The following SLC11A2 variants were observed in gnomAD, a reference collection of about 807,000 sequenced individuals.
The protein encoded by SLC11A2 is solute carrier family 11 member 2, also known as natural resistance-associated macrophage protein 2.
A neutral mutation model predicts 68.0 loss-of-function variants in SLC11A2; 38 were observed. That is an observed-to-expected ratio of 0.56 (90% CI 0.43 to 0.73). The LOEUF is 0.73. SLC11A2 is among the 30% of genes least tolerant of loss of function. The pLI, the probability that SLC11A2 is intolerant of heterozygous loss-of-function variation, is 0.00. For missense variants in SLC11A2, 517 were observed against 690.5 expected, an observed-to-expected ratio of 0.75 and a Z score of 2.82; for synonymous variants, 242 against 250.6, an observed-to-expected ratio of 0.97 and a Z score of 0.32.
At chr12:50,992,060 A>T in intron 13 of SLC11A2, 130 bp downstream of exon 13, 3 of 918,954 alleles carry the variant, frequency 3.3e-6, no homozygotes, top group South Asian at 1.4e-5. Context: ...ATATACATTT[A>T]CTGCAGACCA....
At chr12:50,999,474 A>G in intron 6 of SLC11A2, 59 bp from the exon 7 acceptor site, 1 of 1,361,510 alleles carries the variant, frequency 7.3e-7, no homozygotes, top group South Asian at 1.2e-5. Context: ...ACATTGAAAA[A>G]CACTCTCTTC....
At chr12:50,999,103 T>A in intron 8 of SLC11A2, 71 bp downstream of exon 8, 1 of 1,292,632 alleles carries the variant, frequency 7.7e-7, no homozygotes, top group Non-Finnish European at 1.1e-6. Flanking sequence ...CTGTCTTTTA[T>A]AATAAAAGGC....
intron 8 of SLC11A2, among the ~76,000 whole-genome samples, chr12:50,997,831 T>C (rs1488217451): frequency 7.0e-6 from 1 of 143,510 alleles, no homozygotes; most frequent in Admixed American, 7.0e-5. Context: ...CTACGAAAAA[T>C]ACAAAAATTA....
downstream of SLC11A2, among the ~76,000 whole-genome samples, chr12:50,984,817 A>C (rs1940391959): frequency 6.6e-6 from 1 of 152,202 alleles, no homozygotes; most frequent in Non-Finnish European, 1.5e-5. Context: ...TCTAGCACTA[A>C]TCAGAGTATG....
intron 4 of SLC11A2, 132 bp from the exon 5 acceptor site, chr12:51,005,039 C>T (rs1942601937): frequency 4.4e-6 from 5 of 1,144,150 alleles, no homozygotes; most frequent in Non-Finnish European, 5.1e-6. Context: ...AATCAAATGA[C>T]TTGAGTTCTA....
chr12:50,996,750 C>A, intron 9 of SLC11A2, 67 bp downstream of exon 9: 1 of 1,492,172 alleles, frequency 6.7e-7, no homozygotes, highest in Non-Finnish European at 9.4e-7. Context: ...ACTTTGTGTC[C>A]CTTGCAATTG....
the SLC11A2 span, among the ~76,000 whole-genome samples, chr12:50,964,774 A>G: frequency 6.6e-6 from 1 of 152,272 alleles, no homozygotes; most frequent in Non-Finnish European, 1.5e-5. Flanking sequence ...ACATCTGGAT[A>G]GCAGAGTGAC....
the SLC11A2 span, among the ~76,000 whole-genome samples, chr12:50,972,506 TG>T: frequency 3.9e-5 from 6 of 152,206 alleles, no homozygotes; most frequent in African/African-American, 1.4e-4. Flanking sequence ...TGCCATGTTC[TG>T]GGGTGGTTCC....
intron 3 of SLC11A2, chr12:51,006,171 T>G (rs908597393): frequency 6.0e-6 from 1 of 165,376 alleles, no homozygotes; most frequent in Non-Finnish European, 1.3e-5. Context: ...TAACGGCACA[T>G]GCCTGTAATC....
At chr12:50,989,102 T>C (rs1003430551) in intron 15 of SLC11A2, among the ~76,000 whole-genome samples, 1 of 152,186 alleles carries the variant, frequency 6.6e-6, no homozygotes, top group Non-Finnish European at 1.5e-5. Context: ...AACAGACTAA[T>C]ACAATTGGTG....
At chr12:51,010,957 T>A (rs1324181752) in intron 1 of SLC11A2, among the ~76,000 whole-genome samples, 191 bp from the exon 2 acceptor site, 1 of 152,148 alleles carries the variant, frequency 6.6e-6, no homozygotes, top group African/African-American at 2.4e-5. Context: ...AAAAGAAAAG[T>A]CTTAGTCAAG....
In SLC11A2 at chr12:50,992,234, G is replaced by T. The variant is rs144863268; in HGVS notation, c.1303C>A (p.Leu435Ile). ...TTCAGAAAGTCATTCATCCCTGTTA[G>T]ATGCTCTACATCTTGGAAGACAGCA... ...LVAVFQDVEHLTGMNDFLNVL... is the reference protein window; with the variant it reads ...LVAVFQDVEHITGMNDFLNVL... The change falls in exon 13 of 16, where the codon CTA becomes ATA. Residue 435 changes from leucine to isoleucine, a missense_variant. Leu to Ile is a conservative substitution (Grantham distance 5). Coordinates refer to ENST00000262052, the MANE Select transcript of SLC11A2 (RefSeq NM_000617.3). The T allele has an allele frequency of 2.8e-3, 4,478 of 1,614,038 alleles. 11 individuals carry two copies. Among genetic ancestry groups the T allele is most frequent in the Non-Finnish European group, 3.5e-3 (4,088 of 1,179,906 alleles).
the SLC11A2 span, among the ~76,000 whole-genome samples, chr12:50,969,997 A>G: frequency 6.6e-6 from 1 of 152,108 alleles, no homozygotes; most frequent in Non-Finnish European, 1.5e-5. Flanking sequence ...GAAGCCATAC[A>G]TATCATCCGC....
At chr12:51,020,121 G>A (rs1943937666) in intron 1 of SLC11A2, among the ~76,000 whole-genome samples, 1 of 151,346 alleles carries the variant, frequency 6.6e-6, no homozygotes, top group Non-Finnish European at 1.5e-5. Context: ...TAGCCTCCCA[G>A]GCTACAGTGC....
intron 5 of SLC11A2, among the ~76,000 whole-genome samples, chr12:51,001,551 T>G (rs113505787): frequency 0.018 from 2,738 of 150,476 alleles, 76 homozygotes; most frequent in African/African-American, 0.063. Context: ...TAGCCTTTCT[T>G]TATTCCTTTA....
At chr12:50,991,440 TCA>T (rs1941138587) in intron 14 of SLC11A2, 157 bp downstream of exon 14, 2 of 673,922 alleles carry the variant, frequency 3.0e-6, no homozygotes, top group Non-Finnish European at 5.4e-6. Flanking sequence ...TTTACTATAT[TCA>T]CAGTTTCCAT....
chr12:50,964,197 A>G, the SLC11A2 span, among the ~76,000 whole-genome samples: 1 of 152,270 alleles, frequency 6.6e-6, no homozygotes, highest in South Asian at 2.1e-4. Flanking sequence ...AAAATAAGGA[A>G]GAAACACTCC....
At chr12:50,958,577 G>A in the SLC11A2 span, among the ~76,000 whole-genome samples, 7 of 151,330 alleles carry the variant, frequency 4.6e-5, no homozygotes, top group South Asian at 6.3e-4. Context: ...CACCGCGCCC[G>A]GCCTAAAATA....
chr12:50,970,573 T>G, the SLC11A2 span: 2 of 954,180 alleles, frequency 2.1e-6, no homozygotes, highest in Non-Finnish European at 3.2e-6. Flanking sequence ...AGAATAAATT[T>G]TCAATATGTA....
Sources: allele counts gnomAD v4.1 joint callset (sites outside exome capture counted in the v4.1 genomes callset), GRCh38; gene constraint gnomAD v4.1.1; transcripts MANE v1.5; gene names NCBI Gene and HGNC (gene_info 2026-07-23, HGNC 2026-07-21).